Variants in SIVA1 observed in about 807,000 individuals in gnomAD.
SIVA1 encodes SIVA1 apoptosis inducing factor.
SIVA1 carries 10 observed loss-of-function variants against 19.7 expected under a neutral mutation model. The observed-to-expected ratio is 0.51, with a 90% CI of 0.31 to 0.86. The LOEUF is 0.86. Ranked by LOEUF, SIVA1 falls within the 40% of genes least tolerant of loss-of-function variation. SIVA1 has a pLI of 0.04. For missense variants in SIVA1, 241 were observed against 245.2 expected (o/e 0.98, Z 0.11); for synonymous variants, 130 against 106.1 (o/e 1.23, Z -1.39).
intron 2 of SIVA1, 40 bp downstream of exon 2, chr14:104,755,864 G>A (rs1476280920): frequency 6.3e-7 from 1 of 1,578,924 alleles, no homozygotes. Flanking sequence ...GTGGCACTGA[G>A]GGCAGGTGGT....
At chr14:104,753,391 C>G in intron 1 of SIVA1, 72 bp downstream of exon 1, 1 of 1,035,768 alleles carries the variant, frequency 9.7e-7, no homozygotes, top group Non-Finnish European at 1.4e-6. Context: ...AGCGTCCCCT[C>G]TGAGGCCTGA....
rs777449205 is a variant in SIVA1, at chr14:104,756,775, C to T, written c.470+15C>T. The T allele has an allele frequency of 3.1e-6, 5 of 1,598,992 alleles. No homozygotes were observed. Among genetic ancestry groups the T allele is most frequent in the South Asian group, 1.1e-5 (1 of 89,214 alleles). On this transcript the variant is annotated intron_variant, in intron 3 of 3. Transcript: ENST00000329967. ...GGCCTCGTGGAGTAAGTACTTCAGTCCCTGGAGCTGCTGAGATCCCATAGC... is the reference window on the plus strand; with the variant it reads ...GGCCTCGTGGAGTAAGTACTTCAGTTCCTGGAGCTGCTGAGATCCCATAGC...
Position 104,755,799 on chromosome 14 carries a change from G to T in SIVA1, c.288G>T (p.Arg96Ser), listed in dbSNP as rs1891866824. 6.2e-7 allele frequency: 1 copy of T among 1,613,914 alleles called. No homozygotes were observed. ...MLIGPDGRLI[R>S]SLGQASEADP... The stretch of plus-strand genomic sequence containing the variant: ...TTGGACCAGACGGCCGCCTGATCAG[G>T]AGCCTTGGGCAGGCCTCCGAAGCTG... The change falls in exon 2 of 4, where the codon AGG (arginine) becomes AGT (serine). Residue 96 changes from arginine (R) to serine (S), a missense_variant. By Grantham distance (110) the Arg-to-Ser change is moderately radical. Transcript: ENST00000329967.
At chr14:104,753,677 TGGGGAGC>T (rs1282817205) in intron 1 of SIVA1, 4 of 428,752 alleles carry the variant, frequency 9.3e-6, no homozygotes, top group Non-Finnish European at 1.9e-5. Flanking sequence ...TGGGAGAGGT[TGGGGAGC>T]GGGGCGTCCT....
At chr14:104,753,601 G>A in intron 1 of SIVA1, 1 of 492,884 alleles carries the variant, frequency 2.0e-6, no homozygotes, top group Non-Finnish European at 3.7e-6. Flanking sequence ...ATCCCGGTTA[G>A]TCGCCGCCCT....
At position 104,755,967 on chromosome 14, in the gene SIVA1, G is replaced by C. The variant is rs963820053; in HGVS notation, c.313+143G>C. The stretch of plus-strand genomic sequence containing the variant: ...AGAGCTTGGCCTTCTGGCTCAGAAG[G>C]CTCCTGTTATCAGGAGGTCTCACAT... On this transcript the variant is annotated intron_variant, in intron 2 of 3. Coordinates refer to ENST00000329967, the MANE Select transcript of SIVA1 (RefSeq NM_006427.4). The C allele has an allele frequency of 1.5e-5, 12 of 797,610 alleles. No homozygotes were observed. In the East Asian group the frequency reaches 2.4e-4, roughly 16 times the overall value. 49.4% of individuals were successfully genotyped at this position (797,610 alleles called of 1,614,324 possible). A position where few individuals can be genotyped will look rare whatever the true frequency, so the allele number is the denominator to read the frequency against.
chr14:104,756,597 C>T lies in SIVA1; in HGVS notation c.314-7C>T. ...CAGCCTGACGGCTTGGCGTTTCTTCCTCACAGACCCATCTGGGGTAGCGTC... is the reference window on the plus strand; with the variant it reads ...CAGCCTGACGGCTTGGCGTTTCTTCTTCACAGACCCATCTGGGGTAGCGTC... On this transcript the variant is annotated splice_polypyrimidine_tract_variant and splice_region_variant and intron_variant, in intron 2 of 3. Coordinates refer to ENST00000329967, the MANE Select transcript of SIVA1 (RefSeq NM_006427.4). The T allele has an allele frequency of 6.2e-7, 1 of 1,614,130 alleles. No homozygotes were observed.
intron 1 of SIVA1, chr14:104,753,801 A>G: frequency 4.4e-6 from 2 of 454,406 alleles, no homozygotes. Flanking sequence ...GGCAGGCAAG[A>G]CAGATGTGCC....
chr14:104,753,657 C>A, intron 1 of SIVA1: 1 of 443,256 alleles, frequency 2.3e-6, no homozygotes, highest in Non-Finnish European at 4.4e-6. Context: ...CTGTCCCGTG[C>A]AGGATGTCCT....
chr14:104,756,909 C>A, intron 3 of SIVA1, 149 bp downstream of exon 3: 1 of 906,052 alleles, frequency 1.1e-6, no homozygotes, highest in Non-Finnish European at 1.6e-6. Context: ...GACATGGTGG[C>A]AATAGATGCT....
intron 1 of SIVA1, 126 bp downstream of exon 1, chr14:104,753,445 A>C (rs1050615748): frequency 4.6e-6 from 3 of 646,024 alleles, no homozygotes; most frequent in African/African-American, 1.9e-5. Flanking sequence ...GCGTTCCCGG[A>C]AGCTGGGAGG....
chr14:104,757,379 C>A, intron 3 of SIVA1: 2 of 357,134 alleles, frequency 5.6e-6, no homozygotes, highest in Non-Finnish European at 1.1e-5. Context: ...GCTCCATAGA[C>A]CCAAAGCAAG....
At chr14:104,755,507 C>T (rs1228408685) in intron 1 of SIVA1, 123 bp from the exon 2 acceptor site, 1 of 867,804 alleles carries the variant, frequency 1.2e-6, no homozygotes, top group Non-Finnish European at 1.9e-6. Context: ...GCTGGGGTTA[C>T]TGGGAGACAG....
Position 104,753,169 on chromosome 14 carries a change from C to T in SIVA1, c.-33C>T, listed in dbSNP as rs1480015825. 5 of 1,416,996 alleles carry T rather than the reference C, an allele frequency of 3.5e-6. No homozygotes were observed. Among genetic ancestry groups the T allele is most frequent in the Admixed American group, 3.8e-5 (2 of 52,076 alleles). The allele number at this position is 1,416,996 out of a possible 1,614,324, so 87.8% of individuals were successfully genotyped here. The stretch of plus-strand genomic sequence containing the variant: ...GGCGTCGTTGGTAAGGGGCTGGCGG[C>T]CGGGGAGCTGCGTAGCTCCCGGCCC... On this transcript the variant is annotated 5_prime_UTR_variant, in exon 1 of 4. Coordinates refer to ENST00000329967, the MANE Select transcript of SIVA1 (RefSeq NM_006427.4).
rs373291409 is a variant in SIVA1 at position 104,755,817 on chromosome 14, C to T, written c.306C>T (p.Ser102=). Residue 102 remains serine (S), a synonymous_variant, in exon 2 of 4, where the codon TCC becomes TCT. Transcript: ENST00000329967. The stretch of plus-strand genomic sequence containing the variant: ...TGATCAGGAGCCTTGGGCAGGCCTC[C>T]GAAGCTGGTGAGTGGCACCAGCAGC... ...GRLIRSLGQA[S]EADPSGVASI... 6.7e-5 allele frequency: 108 copies of T among 1,613,270 alleles called. No homozygotes were observed. Among genetic ancestry groups the T allele is most frequent in the Non-Finnish European group, 8.6e-5 (101 of 1,179,772 alleles).
rs1891864382 is a variant in SIVA1 at position 104,755,738 on chromosome 14, C to G, written c.227C>G (p.Thr76Arg). 1.2e-6 allele frequency: 2 copies of G among 1,614,124 alleles called. No homozygotes were observed. Among genetic ancestry groups the G allele is most frequent in the Non-Finnish European group, 1.7e-6 (2 of 1,179,988 alleles). Residue 76 changes from threonine to arginine, a missense_variant, in exon 2 of 4, where the codon ACA (threonine) becomes AGA (arginine). Physicochemically the swap from Thr to Arg is moderately conservative, Grantham distance 71. Transcript: ENST00000329967. ...HLPESPKPGP[T>R]GAPRAARGQM... ...CCAGAGTCCCCAAAGCCTGGCCCTA[C>G]AGGGGCCCCGAGGGCTGCACGTGGG...
At chr14:104,757,645 T>C (rs775120059) in intron 3 of SIVA1, 1 of 153,934 alleles carries the variant, frequency 6.5e-6, no homozygotes, top group Non-Finnish European at 1.4e-5. Context: ...TAGCTATGAA[T>C]GTGGGATACT....
chr14:104,757,783 G>A (rs1891945327), intron 3 of SIVA1: 1 of 152,526 alleles, frequency 6.6e-6, no homozygotes, highest in Non-Finnish European at 1.5e-5. Context: ...GGCAGGTTCA[G>A]CGGAGAGGTG....
Position 104,755,263 on chromosome 14 carries a change from G to A in SIVA1, c.119-367G>A, listed in dbSNP as rs183973354. 7.9e-4 allele frequency among the ~76,000 whole-genome samples: 120 copies of A among 152,342 alleles called. 1 individual carries two copies. The highest frequency in any genetic ancestry group is 2.7e-3 in the African/African-American group (114 of 41,560). On this transcript the variant is annotated intron_variant, in intron 1 of 3. Transcript: ENST00000329967. ...AGAGCCTGGTTTCCAGGTGGGGAGT[G>A]CTGGGGAAGCAGAAAAGGGAGAAAG...
Sources: allele counts gnomAD v4.1 joint callset (sites outside exome capture counted in the v4.1 genomes callset), GRCh38; gene constraint gnomAD v4.1.1; transcripts MANE v1.5; gene names NCBI Gene and HGNC (gene_info 2026-07-23, HGNC 2026-07-21).